The following DLG2 variants were observed in gnomAD, a reference collection of about 807,000 sequenced individuals.
The protein encoded by DLG2 is disks large homolog 2.
Under a neutral mutation model 132.5 loss-of-function variants are expected in DLG2, and 45 were observed. The ratio of observed to expected loss-of-function variants is 0.34; its 90% CI spans 0.27 to 0.44. DLG2 has a LOEUF of 0.44. Among genes scored for constraint, DLG2 ranks in the 20% least tolerant of loss-of-function variants. The pLI is 1.00. For missense variants in DLG2, 1,045 were observed against 1,196.9 expected (o/e 0.87, Z 1.87); for synonymous variants, 424 against 419.6 (o/e 1.01, Z -0.13).
chr11:85,529,587 C>A (rs1196859555), intron 3 of DLG2, among the ~76,000 whole-genome samples: 1 of 152,104 alleles, frequency 6.6e-6, no homozygotes, highest in South Asian at 2.1e-4. Context: ...GTATTCTTGA[C>A]TTTGGTGAAC....
chr11:84,663,486 C>T (rs113608125), intron 6 of DLG2, among the ~76,000 whole-genome samples: 14 of 152,084 alleles, frequency 9.2e-5, no homozygotes, highest in South Asian at 6.2e-4. Flanking sequence ...TGAATCTGTG[C>T]GTCTCCAGAG....
intron 16 of DLG2, among the ~76,000 whole-genome samples, chr11:83,839,522 G>A (rs1440227474): frequency 2.0e-5 from 3 of 152,016 alleles, no homozygotes; most frequent in Non-Finnish European, 4.4e-5. Context: ...TAGGTAAATC[G>A]GCTTGTCTAC....
At chr11:84,518,074 C>T (rs1388005433) in intron 7 of DLG2, among the ~76,000 whole-genome samples, 4 of 141,702 alleles carry the variant, frequency 2.8e-5, no homozygotes, top group African/African-American at 7.9e-5. Flanking sequence ...TTTCAAGAGA[C>T]ATCATCACTC....
At chr11:84,556,874 G>A (rs1199759785) in intron 6 of DLG2, among the ~76,000 whole-genome samples, 1 of 152,116 alleles carries the variant, frequency 6.6e-6, no homozygotes, top group East Asian at 1.9e-4. Flanking sequence ...ACATAACAAA[G>A]TAATTTACAT....
chr11:85,044,676 A>T (rs1429066905), intron 6 of DLG2, among the ~76,000 whole-genome samples: 1 of 152,000 alleles, frequency 6.6e-6, no homozygotes, highest in Non-Finnish European at 1.5e-5. Flanking sequence ...TCACTGCTTA[A>T]ACTTGCCTAT....
chr11:84,997,512 G>A (rs549679945), intron 6 of DLG2: 1 of 152,124 alleles, frequency 6.6e-6, no homozygotes, highest in African/African-American at 2.4e-5. Flanking sequence ...AAGGTTCTTT[G>A]TCCTGGGAGG....
At chr11:84,943,187 T>TGG (rs2049714830) in intron 6 of DLG2, among the ~76,000 whole-genome samples, 1 of 151,670 alleles carries the variant, frequency 6.6e-6, no homozygotes, top group African/African-American at 2.4e-5. Context: ...TGTGTGTGTG[T>TGG]GTGTGTGTGT....
chr11:85,543,955 T>A (rs942974752), intron 3 of DLG2, among the ~76,000 whole-genome samples: 3 of 152,226 alleles, frequency 2.0e-5, no homozygotes, highest in Non-Finnish European at 2.9e-5. Flanking sequence ...TTCACTCTGA[T>A]GACAGTTTCT....
At chr11:84,155,605 G>A (rs1436512390) in intron 9 of DLG2, among the ~76,000 whole-genome samples, 2 of 151,752 alleles carry the variant, frequency 1.3e-5, no homozygotes, top group African/African-American at 4.8e-5. Context: ...TCTTGGGTAT[G>A]GGGCCACTGG....
At chr11:85,583,836 A>G (rs771108540) in intron 3 of DLG2, among the ~76,000 whole-genome samples, 12 of 152,164 alleles carry the variant, frequency 7.9e-5, no homozygotes, top group Non-Finnish European at 1.5e-4. Flanking sequence ...TGAGATCTAC[A>G]TGCCTCAGTG....
chr11:84,150,296 G>T lies in DLG2; in HGVS notation c.624+13165C>A, dbSNP rs190508224. 7.9e-5 allele frequency among the ~76,000 whole-genome samples: 12 copies of T among 152,204 alleles called. No individual in the cohort carries two copies. In the East Asian group the frequency reaches 1.2e-3, roughly 15 times the overall value. On this transcript the variant is annotated intron_variant, in intron 9 of 27. Coordinates refer to ENST00000376104, the MANE Select transcript of DLG2 (RefSeq NM_001142699.3). ...TCCTTTTTGGTTAGATGGATTCCTA[G>T]GTTTTTAAATCTTTTTGTGGCTACT... is the stretch of plus-strand genomic sequence containing the variant.
intron 3 of DLG2, among the ~76,000 whole-genome samples, chr11:85,536,691 G>C (rs750079519): frequency 1.1e-4 from 17 of 152,264 alleles, no homozygotes; most frequent in Non-Finnish European, 2.1e-4. Flanking sequence ...GGTGAGCGCA[G>C]GCTTGGCAAG....
At chr11:84,768,900 G>T (rs1408026636) in intron 6 of DLG2, among the ~76,000 whole-genome samples, 3 of 151,584 alleles carry the variant, frequency 2.0e-5, no homozygotes, top group Non-Finnish European at 4.4e-5. Flanking sequence ...CTCTAAAGCT[G>T]GTTCTATCAT....
intron 7 of DLG2, among the ~76,000 whole-genome samples, chr11:84,531,445 C>T (rs971889767): frequency 2.0e-5 from 3 of 152,142 alleles, no homozygotes; most frequent in Non-Finnish European, 4.4e-5. Flanking sequence ...ACCTATATAA[C>T]AAACCTGCAC....
intron 6 of DLG2, among the ~76,000 whole-genome samples, chr11:84,596,190 GTCTCTCTCTCTC>G (rs59824224): frequency 5.5e-5 from 8 of 144,734 alleles, no homozygotes; most frequent in African/African-American, 1.0e-4. Flanking sequence ...TCTTTTCTCT[GTCTCTCTCTCTC>G]TCTCTCTCTC....
intron 19 of DLG2, among the ~76,000 whole-genome samples, chr11:83,586,902 G>C (rs963837090): frequency 2.6e-5 from 4 of 152,184 alleles, no homozygotes; most frequent in Non-Finnish European, 5.9e-5. Flanking sequence ...TCACACCAGG[G>C]TTGTGAAAAT....
chr11:84,052,547 A>C (rs1462075444), intron 11 of DLG2, among the ~76,000 whole-genome samples: 1 of 152,040 alleles, frequency 6.6e-6, no homozygotes, highest in Non-Finnish European at 1.5e-5. Flanking sequence ...ACATGAACAG[A>C]ACCTTCTCAA....
intron 6 of DLG2, among the ~76,000 whole-genome samples, chr11:84,986,681 T>C (rs191792137): frequency 3.0e-4 from 46 of 152,282 alleles, no homozygotes; most frequent in East Asian, 2.5e-3. Context: ...TCTCAATAGA[T>C]GCGGAAAAAG....
At chr11:84,125,078 G>A (rs2094113440) in intron 9 of DLG2, among the ~76,000 whole-genome samples, 1 of 151,998 alleles carries the variant, frequency 6.6e-6, no homozygotes. Flanking sequence ...TTGAACTCAC[G>A]ACCTCAGGTG....
Sources: gnomAD v4.1 joint callset for allele counts (sites outside exome capture counted in the v4.1 genomes callset) on GRCh38, gnomAD v4.1.1 for gene constraint, MANE v1.5 for transcripts, NCBI Gene and HGNC (gene_info 2026-07-23, HGNC 2026-07-21) for gene names.